FTCDNL1: variants seen among roughly 807,000 people sequenced by gnomAD.
The protein encoded by FTCDNL1 is formiminotransferase N-terminal subdomain-containing protein.
Under a neutral mutation model 5.9 loss-of-function variants are expected in FTCDNL1, and 11 were observed. That is an observed-to-expected ratio of 1.87 (90% confidence interval 1.18 to 3.10). The LOEUF is 3.10. Ranked by LOEUF, FTCDNL1 falls within the 30% of genes most tolerant of loss-of-function variation. The probability of loss-of-function intolerance (pLI) is 0.00; values close to 1 mark genes in which losing one functional copy is unlikely to be tolerated. For missense variants in FTCDNL1, 115 were observed against 65.5 expected, an observed-to-expected ratio of 1.76 and a Z score of -2.61; for synonymous variants, 58 against 24.8, an observed-to-expected ratio of 2.34 and a Z score of -3.99.
At chr2:199,699,863 A>G in the FTCDNL1 span, among the ~76,000 whole-genome samples, 1 of 152,242 alleles carries the variant, frequency 6.6e-6, no homozygotes, top group African/African-American at 2.4e-5. Flanking sequence ...TTCATGTTAA[A>G]AAACCTCAGC....
the FTCDNL1 span, among the ~76,000 whole-genome samples, chr2:199,743,437 C>G: frequency 6.6e-6 from 1 of 152,314 alleles, no homozygotes; most frequent in African/African-American, 2.4e-5. Context: ...AGACTGTTTA[C>G]CTCTTGAGAC....
chr2:199,688,028 C>T, the FTCDNL1 span, among the ~76,000 whole-genome samples: 1 of 152,042 alleles, frequency 6.6e-6, no homozygotes, highest in South Asian at 2.1e-4. Context: ...GGGTGGATCA[C>T]TTGAGGCCAG....
the FTCDNL1 span, among the ~76,000 whole-genome samples, chr2:199,709,584 A>C: frequency 6.6e-6 from 1 of 152,226 alleles, no homozygotes; most frequent in African/African-American, 2.4e-5. Flanking sequence ...TGTATTGAAA[A>C]CCAAGTGAGG....
chr2:199,686,627 C>A, the FTCDNL1 span, among the ~76,000 whole-genome samples: 1 of 152,058 alleles, frequency 6.6e-6, no homozygotes, highest in African/African-American at 2.4e-5. Context: ...CTAAAGTATG[C>A]TTTTGATATA....
chr2:199,722,455 C>T, the FTCDNL1 span, among the ~76,000 whole-genome samples: 1 of 152,120 alleles, frequency 6.6e-6, no homozygotes, highest in South Asian at 2.1e-4. Flanking sequence ...GGTCTAATCT[C>T]TGAGTTCTCT....
At chr2:199,721,058 C>T in the FTCDNL1 span, among the ~76,000 whole-genome samples, 2 of 152,176 alleles carry the variant, frequency 1.3e-5, no homozygotes, top group Non-Finnish European at 2.9e-5. Flanking sequence ...ACAAACTCTA[C>T]TGAATAAATA....
the FTCDNL1 span, among the ~76,000 whole-genome samples, chr2:199,748,919 C>A: frequency 3.9e-5 from 6 of 152,160 alleles, no homozygotes; most frequent in Non-Finnish European, 7.3e-5. Context: ...CTCTCCTGCT[C>A]CCCATTGCCT....
chr2:199,711,046 A>C, the FTCDNL1 span, among the ~76,000 whole-genome samples: 2 of 152,202 alleles, frequency 1.3e-5, no homozygotes, highest in East Asian at 1.9e-4. Context: ...ATAACAGTAC[A>C]TGTCACATTA....
chr2:199,722,629 T>C, the FTCDNL1 span, among the ~76,000 whole-genome samples: 2 of 152,078 alleles, frequency 1.3e-5, no homozygotes, highest in South Asian at 4.1e-4. Flanking sequence ...TCCACATGAA[T>C]TTTAAAATAG....
downstream of FTCDNL1, among the ~76,000 whole-genome samples, chr2:199,760,025 G>C (rs1157635630): frequency 6.6e-6 from 1 of 152,142 alleles, no homozygotes; most frequent in Non-Finnish European, 1.5e-5. Context: ...AGGGATTTAT[G>C]TCAATCACTC....
the FTCDNL1 span, among the ~76,000 whole-genome samples, chr2:199,752,102 CCTT>C: frequency 3.7e-4 from 57 of 152,224 alleles, no homozygotes; most frequent in Non-Finnish European, 5.7e-4. Flanking sequence ...TTCTCTCTCT[CCTT>C]CTTATTTCCC....
the FTCDNL1 span, among the ~76,000 whole-genome samples, chr2:199,740,485 G>GGA: frequency 6.6e-6 from 1 of 152,166 alleles, no homozygotes; most frequent in Non-Finnish European, 1.5e-5. Context: ...GCTGCCCGGA[G>GGA]GAGTGGAGCA....
At chr2:199,732,368 T>C in the FTCDNL1 span, among the ~76,000 whole-genome samples, 1 of 152,210 alleles carries the variant, frequency 6.6e-6, no homozygotes, top group Non-Finnish European at 1.5e-5. Flanking sequence ...CCCCGGTTTG[T>C]TCAATTCCAC....
At chr2:199,787,821 CAG>C (rs201672760) in intron 3 of FTCDNL1, among the ~76,000 whole-genome samples, 2,240 of 152,198 alleles carry the variant, frequency 0.015, 23 homozygotes, top group Middle Eastern at 0.024. Context: ...TATAAATTCA[CAG>C]ATAGTCAATT....
At chr2:199,781,819 G>A (rs151331650) in intron 3 of FTCDNL1, among the ~76,000 whole-genome samples, 4 of 151,822 alleles carry the variant, frequency 2.6e-5, no homozygotes, top group Admixed American at 6.6e-5. Flanking sequence ...TCGCTCTGTC[G>A]CCCAGGCTAG....
At chr2:199,752,274 G>A in the FTCDNL1 span, among the ~76,000 whole-genome samples, 1 of 152,122 alleles carries the variant, frequency 6.6e-6, no homozygotes, top group Admixed American at 6.5e-5. Flanking sequence ...GGTTCTTTGT[G>A]TGGGGACCAT....
At chr2:199,773,911 T>A (rs1451633802) in intron 3 of FTCDNL1, among the ~76,000 whole-genome samples, 1 of 152,206 alleles carries the variant, frequency 6.6e-6, no homozygotes, top group African/African-American at 2.4e-5. Flanking sequence ...TAGCAGCAGG[T>A]CCCTGGCTTA....
At chr2:199,789,930 A>G (rs1446702741) in intron 3 of FTCDNL1, among the ~76,000 whole-genome samples, 19 of 152,158 alleles carry the variant, frequency 1.2e-4, no homozygotes, top group Admixed American at 1.2e-3. Flanking sequence ...TGGTAACTCT[A>G]CTGAAGACAT....
chr2:199,721,590 A>G, the FTCDNL1 span, among the ~76,000 whole-genome samples: 3 of 152,156 alleles, frequency 2.0e-5, no homozygotes, highest in East Asian at 5.8e-4. Context: ...GAATATACCC[A>G]TGTATGTATC....
Sources: allele counts gnomAD v4.1 joint callset (sites outside exome capture counted in the v4.1 genomes callset), GRCh38; gene constraint gnomAD v4.1.1; transcripts MANE v1.5; gene names NCBI Gene and HGNC (gene_info 2026-07-23, HGNC 2026-07-21).